Variants in ITFG2 observed in about 807,000 individuals in gnomAD.
The protein encoded by ITFG2 is integrin alpha FG-GAP repeat containing 2.
In ITFG2, 36 loss-of-function variants were observed where a neutral mutation model predicts 54.4. The observed-to-expected ratio is 0.66, with a 90% CI of 0.51 to 0.87. The LOEUF is 0.87. Among genes scored for constraint, ITFG2 ranks in the 40% least tolerant of loss-of-function variants. The probability of loss-of-function intolerance (pLI) is 0.00; values close to 1 mark genes in which losing one functional copy is unlikely to be tolerated. For missense variants in ITFG2, 524 were observed against 576.7 expected (o/e 0.91, Z 0.94); for synonymous variants, 211 against 225.4 (o/e 0.94, Z 0.57).
At chr12:2,819,966 G>A in intron 4 of ITFG2, 120 bp from the exon 5 acceptor site, 4 of 1,300,124 alleles carry the variant, frequency 3.1e-6, no homozygotes, top group Non-Finnish European at 3.1e-6. Context: ...GACTGAGGGT[G>A]AAGTGAGTAG....
At chr12:2,836,197 G>C (rs2098027272), upstream of ITFG2, among the ~76,000 whole-genome samples, 1 of 152,226 alleles carries the variant, frequency 6.6e-6, no homozygotes, top group African/African-American at 2.4e-5. Context: ...CATATTGCCA[G>C]AGTGTTTTTA....
At chr12:2,855,312 G>A in intron 2 of ITFG2, 1 of 1,532,416 alleles carries the variant, frequency 6.5e-7, no homozygotes, top group Non-Finnish European at 8.7e-7. Context: ...TATCTGTGCA[G>A]GGCGGCAGCT....
intron 1 of ITFG2, among the ~76,000 whole-genome samples, chr12:2,815,134 G>A (rs956429170): frequency 1.3e-5 from 2 of 152,086 alleles, no homozygotes; most frequent in East Asian, 1.9e-4. Context: ...GTGAGCCACC[G>A]CGCCCAGCCA....
intron 4 of ITFG2, 50 bp from the exon 5 acceptor site, chr12:2,820,036 G>C: frequency 6.4e-7 from 1 of 1,563,454 alleles, no homozygotes; most frequent in South Asian, 1.2e-5. Context: ...GCAGAGGAGC[G>C]GGGGCTGCTC....
chr12:2,813,118 C>T (rs895639461), intron 1 of ITFG2, among the ~76,000 whole-genome samples: 3 of 152,196 alleles, frequency 2.0e-5, no homozygotes, highest in Admixed American at 6.5e-5. Flanking sequence ...CTCACCGCAA[C>T]CTCTGCCTCC....
rs539338564 is a variant in ITFG2, at chr12:2,845,132, C to A, written n.300+4137C>A. Among the ~76,000 whole-genome samples the A allele has an allele frequency of 6.6e-6, 1 of 151,488 alleles. No homozygotes were observed. The highest frequency in any genetic ancestry group is 2.1e-4 in the South Asian group (1 of 4,770). ...TGTGTGCGGCTCGGTGGCAGCACAACTAAGGACAGGGCTCAGTGATGGAAA... is the reference window on the plus strand; with the variant it reads ...TGTGTGCGGCTCGGTGGCAGCACAAATAAGGACAGGGCTCAGTGATGGAAA... On this transcript the variant is annotated intron_variant and non_coding_transcript_variant, in intron 2 of 3. Coordinates refer to the ITFG2 transcript ENST00000537710. This position sits in a 1 kb window ranked among gnomAD's most constrained non-coding sequence, Gnocchi z 4.2.
In ITFG2 at chr12:2,857,165, C is replaced by T. The variant is rs547081192; in HGVS notation, n.301-847C>T. The T allele has an allele frequency of 5.2e-4, 353 of 681,114 alleles. 3 individuals are homozygous for T. Among genetic ancestry groups the T allele is most frequent in the South Asian group, 4.0e-3 (258 of 64,768 alleles). 42.2% of individuals were successfully genotyped at this position (681,114 alleles called of 1,614,324 possible). ...AGGCCCTCACCTGTCCCTGGAGCCT[C>T]TTGTGACCCTTGGGCCCCTGGCTAC... On this transcript the variant is annotated intron_variant and non_coding_transcript_variant, in intron 2 of 3. Coordinates refer to the ITFG2 transcript ENST00000537710.
chr12:2,853,612 T>C (rs1404443625), intron 2 of ITFG2, among the ~76,000 whole-genome samples: 1 of 148,668 alleles, frequency 6.7e-6, no homozygotes, highest in Non-Finnish European at 1.5e-5. Context: ...TTTTTGTTTT[T>C]GTTTTTTTTT....
chr12:2,828,955 C>G (rs991961175), downstream of ITFG2, among the ~76,000 whole-genome samples: 10 of 152,024 alleles, frequency 6.6e-5, no homozygotes, highest in Admixed American at 6.6e-4. Context: ...GCTTGTAGTT[C>G]TAGCACTTTG....
At chr12:2,849,195 C>T (rs2098061989) in intron 2 of ITFG2, 1 of 1,510,020 alleles carries the variant, frequency 6.6e-7, no homozygotes, top group Non-Finnish European at 8.8e-7. Context: ...GAGCCTGGGG[C>T]TCTGGGTATC....
chr12:2,817,540 C>T, intron 2 of ITFG2: 1 of 564,140 alleles, frequency 1.8e-6, no homozygotes, highest in Non-Finnish European at 3.2e-6. Flanking sequence ...GTTTTTGTGT[C>T]GTGGAGTACT....
chr12:2,827,651 C>T (rs567937951), downstream of ITFG2: 3 of 1,614,120 alleles, frequency 1.9e-6, no homozygotes, highest in Admixed American at 3.3e-5. This position sits in a 1 kb window ranked among gnomAD's most constrained non-coding sequence, Gnocchi z 4.0. Context: ...GTCTGCAGGC[C>T]CAGGCAGAAT....
exon 4 of ITFG2, chr12:2,859,741 C>A: frequency 9.4e-7 from 1 of 1,068,352 alleles, no homozygotes; most frequent in Non-Finnish European, 1.3e-6. Context: ...GGGTTCTGAT[C>A]CTCTTTGTGT....
chr12:2,813,793 G>T (rs932374388), intron 1 of ITFG2, among the ~76,000 whole-genome samples: 3 of 152,088 alleles, frequency 2.0e-5, no homozygotes, highest in African/African-American at 7.2e-5. Flanking sequence ...GATGCAGAAG[G>T]TATCTTATGA....
chr12:2,814,793 C>G (rs144337788), intron 1 of ITFG2, among the ~76,000 whole-genome samples: 157 of 152,144 alleles, frequency 1.0e-3, no homozygotes, highest in African/African-American at 3.4e-3. Flanking sequence ...GATCACACTA[C>G]GGTACTCCAG....
chr12:2,817,396 C>CAGGT lies in ITFG2; in HGVS notation c.192+79_192+82dup, dbSNP rs1565409327. ...GGGACCACCTAGGGTGAGCCCCACA[C>CAGGT]AGGTGCTCACCCATGTGTCCTGACT... On this transcript the variant is annotated intron_variant, in intron 2 of 11. Coordinates refer to ENST00000228799, the MANE Select transcript of ITFG2 (RefSeq NM_018463.4). The CAGGT allele has an allele frequency of 5.2e-6, 5 of 954,664 alleles. No individual in the cohort carries two copies. In the East Asian group the frequency reaches 1.3e-4, roughly 24 times the overall value. 59.1% of individuals were successfully genotyped at this position (954,664 alleles called of 1,614,324 possible).
intron 1 of ITFG2, among the ~76,000 whole-genome samples, chr12:2,816,665 G>A (rs1461714661): frequency 1.4e-5 from 2 of 138,424 alleles, no homozygotes; most frequent in Non-Finnish European, 1.5e-5. Context: ...GAGAGACAGG[G>A]TCTCACTCTG....
chr12:2,839,338 C>CATT (rs1232611226), intron 1 of ITFG2, among the ~76,000 whole-genome samples: 5 of 152,082 alleles, frequency 3.3e-5, no homozygotes, highest in Admixed American at 3.3e-4. Context: ...CCATTGGTCT[C>CATT]TAATAATGAG....
intron 5 of ITFG2, among the ~76,000 whole-genome samples, chr12:2,820,473 G>A (rs1365140165): frequency 6.6e-6 from 1 of 152,144 alleles, no homozygotes; most frequent in Non-Finnish European, 1.5e-5. Context: ...GGCCGCATCA[G>A]GACCTAGACC....
Sources: gnomAD v4.1 joint callset for allele counts (sites outside exome capture counted in the v4.1 genomes callset) on GRCh38, gnomAD v4.1.1 for gene constraint, Gnocchi (gnomAD v3.1) non-coding constraint, MANE v1.5 for transcripts, NCBI Gene and HGNC (gene_info 2026-07-23, HGNC 2026-07-21) for gene names.